Variants in CWC27 observed in about 807,000 individuals in gnomAD.
CWC27 encodes CWC27 spliceosome associated cyclophilin.
Under a neutral mutation model 63.6 loss-of-function variants are expected in CWC27, and 47 were observed. That is an observed-to-expected ratio of 0.74 (90% confidence interval 0.58 to 0.94). The LOEUF is 0.94. Ranked by LOEUF, CWC27 falls within the 40% of genes least tolerant of loss-of-function variation. The pLI, the probability that CWC27 is intolerant of heterozygous loss-of-function variation, is 0.00. For missense variants in CWC27, 495 were observed against 554.3 expected, an observed-to-expected ratio of 0.89 and a Z score of 1.07; for synonymous variants, 175 against 179.8, an observed-to-expected ratio of 0.97 and a Z score of 0.22.
At chr5:64,873,854 T>C (rs1330298734) in intron 10 of CWC27, among the ~76,000 whole-genome samples, 5 of 152,172 alleles carry the variant, frequency 3.3e-5, no homozygotes, top group Non-Finnish European at 5.9e-5. Context: ...AGTTGATCTT[T>C]GTATATGGTT....
At chr5:64,985,799 G>A (rs1321096824) in intron 13 of CWC27, among the ~76,000 whole-genome samples, 6 of 152,148 alleles carry the variant, frequency 3.9e-5, no homozygotes, top group South Asian at 2.1e-4. Context: ...TAGGAGTGGC[G>A]TGAGTAGACA....
chr5:64,807,539 G>A, intron 10 of CWC27: 1 of 1,460,346 alleles, frequency 6.8e-7, no homozygotes, highest in Non-Finnish European at 9.0e-7. Context: ...TGACTTCCTA[G>A]GATTTCTAAT....
intron 11 of CWC27, among the ~76,000 whole-genome samples, chr5:64,941,770 A>T (rs1164893512): frequency 6.6e-6 from 1 of 152,078 alleles, no homozygotes; most frequent in Non-Finnish European, 1.5e-5. Flanking sequence ...CCTCTGCCAC[A>T]CTATCAGGAG....
rs1299520819 is a variant in CWC27, at chr5:64,882,750, C to T, written c.939-2693C>T. Among the ~76,000 whole-genome samples the T allele has an allele frequency of 2.6e-5, 4 of 152,078 alleles. 1 individual carries two copies. Among genetic ancestry groups the T allele is most frequent in the African/African-American group, 4.8e-5 (2 of 41,396 alleles). On this transcript the variant is annotated intron_variant, in intron 10 of 13. Transcript: ENST00000381070. ...CTGGGAGTACAGGTGCCCGCCACCC[C>T]GCCTGGCCAATGTTTTGTATTTTTT...
chr5:64,991,174 G>A (rs552871089), intron 13 of CWC27, among the ~76,000 whole-genome samples: 24 of 152,320 alleles, frequency 1.6e-4, no homozygotes, highest in African/African-American at 5.5e-4. Context: ...TCTCAACTCT[G>A]CTGATGTGGT....
At chr5:64,994,912 G>A (rs970312802) in intron 13 of CWC27, among the ~76,000 whole-genome samples, 10 of 151,978 alleles carry the variant, frequency 6.6e-5, no homozygotes, top group African/African-American at 2.4e-4. Context: ...AACTTTTTCA[G>A]TGTGCTAACT....
chr5:64,820,485 G>T (rs1318309969), intron 10 of CWC27, among the ~76,000 whole-genome samples: 1 of 151,996 alleles, frequency 6.6e-6, no homozygotes, highest in Non-Finnish European at 1.5e-5. Context: ...AACTAGAAGA[G>T]CCACTTAAGT....
intron 1 of CWC27, among the ~76,000 whole-genome samples, chr5:64,771,679 AGTAT>A (rs1327240242): frequency 1.0e-5 from 1 of 99,606 alleles, no homozygotes; most frequent in Non-Finnish European, 2.2e-5. Context: ...TGGCTTTATA[AGTAT>A]ATTTGCATAT....
intron 7 of CWC27, among the ~76,000 whole-genome samples, chr5:64,799,606 A>ATATAT (rs1272954189): frequency 5.3e-5 from 8 of 149,592 alleles, no homozygotes; most frequent in South Asian, 2.2e-4. Flanking sequence ...ATATATACTT[A>ATATAT]ATAGCAGCAG....
At chr5:64,892,559 T>C (rs1441268200) in intron 11 of CWC27, among the ~76,000 whole-genome samples, 3 of 152,204 alleles carry the variant, frequency 2.0e-5, no homozygotes, top group Admixed American at 1.3e-4. Flanking sequence ...CGTGTTTTTT[T>C]CCCCATAATG....
At chr5:64,922,348 A>G (rs994404536) in intron 11 of CWC27, among the ~76,000 whole-genome samples, 4 of 150,676 alleles carry the variant, frequency 2.7e-5, no homozygotes, top group African/African-American at 9.9e-5. Flanking sequence ...TTTTTTCTTT[A>G]TTTTTGTCTG....
chr5:64,979,047 T>C (rs1749284982), intron 13 of CWC27, among the ~76,000 whole-genome samples: 1 of 152,196 alleles, frequency 6.6e-6, no homozygotes, highest in African/African-American at 2.4e-5. Context: ...CAGATACCAA[T>C]GATGTATTTT....
intron 2 of CWC27, among the ~76,000 whole-genome samples, chr5:64,780,687 G>A (rs191145363): frequency 4.9e-5 from 2 of 41,050 alleles, no homozygotes; most frequent in East Asian, 3.5e-3. Flanking sequence ...GTATACACAC[G>A]CGCACACGCG....
chr5:64,971,946 A>G (rs932531785), intron 12 of CWC27, 134 bp downstream of exon 12: 2 of 488,074 alleles, frequency 4.1e-6, no homozygotes, highest in Non-Finnish European at 7.1e-6. Flanking sequence ...ATATATTTAT[A>G]TAGGGTGGAC....
At chr5:64,831,676 C>T (rs139042088) in intron 10 of CWC27, among the ~76,000 whole-genome samples, 1 of 151,930 alleles carries the variant, frequency 6.6e-6, no homozygotes, top group East Asian at 1.9e-4. Context: ...ACACAATTGA[C>T]TCATGTAACA....
chr5:64,849,401 G>A (rs538754057), intron 10 of CWC27, among the ~76,000 whole-genome samples: 1 of 152,280 alleles, frequency 6.6e-6, no homozygotes, highest in South Asian at 2.1e-4. Flanking sequence ...AATTGATATG[G>A]TTTGGATCTG....
intron 11 of CWC27, among the ~76,000 whole-genome samples, chr5:64,899,825 C>T (rs1304652117): frequency 6.6e-6 from 1 of 152,146 alleles, no homozygotes; most frequent in Non-Finnish European, 1.5e-5. Context: ...CCTTGTTAAC[C>T]CCCTCTCTGA....
At chr5:64,942,796 T>C (rs1748511824) in intron 11 of CWC27, among the ~76,000 whole-genome samples, 1 of 152,376 alleles carries the variant, frequency 6.6e-6, no homozygotes, top group South Asian at 2.1e-4. Context: ...AGCATAAATA[T>C]GGCTTTACTC....
At chr5:64,776,473 C>A (rs1743460045) in intron 2 of CWC27, among the ~76,000 whole-genome samples, 1 of 151,928 alleles carries the variant, frequency 6.6e-6, no homozygotes, top group Admixed American at 6.6e-5. Flanking sequence ...ATTATTACAA[C>A]AATTATTCCC....
Sources: gnomAD v4.1 joint callset for allele counts (sites outside exome capture counted in the v4.1 genomes callset) on GRCh38, gnomAD v4.1.1 for gene constraint, MANE v1.5 for transcripts, NCBI Gene and HGNC (gene_info 2026-07-23, HGNC 2026-07-21) for gene names.